ROBO2: variants seen among roughly 807,000 people sequenced by gnomAD.
ROBO2 encodes roundabout guidance receptor 2.
A neutral mutation model predicts 160.8 loss-of-function variants in ROBO2; 53 were observed. That is an observed-to-expected ratio of 0.33 (90% CI 0.26 to 0.41). The LOEUF (loss-of-function observed/expected upper bound fraction) is 0.41. Among genes scored for constraint, ROBO2 ranks in the 10% least tolerant of loss-of-function variants. The pLI is 1.00. For synonymous variants in ROBO2, 664 were observed against 611.7 expected (o/e 1.09, Z -1.26); for missense variants, 1,577 against 1,722.4 (o/e 0.92, Z 1.49).
intron 2 of ROBO2, among the ~76,000 whole-genome samples, chr3:77,435,715 G>C (rs1244738739): frequency 6.6e-6 from 1 of 151,736 alleles, no homozygotes; most frequent in Admixed American, 6.6e-5. Context: ...TTTGTCTACA[G>C]ATCAATGTGT....
At chr3:76,799,499 A>T (rs2064034855) in intron 2 of ROBO2, among the ~76,000 whole-genome samples, 1 of 136,398 alleles carries the variant, frequency 7.3e-6, no homozygotes, top group Admixed American at 7.7e-5. Flanking sequence ...AAAATATTAG[A>T]TCTGACAAAA....
At chr3:76,343,589 A>T (rs2074358787) in intron 2 of ROBO2, among the ~76,000 whole-genome samples, 1 of 151,748 alleles carries the variant, frequency 6.6e-6, no homozygotes, top group Non-Finnish European at 1.5e-5. Context: ...TAAAAACCGC[A>T]ATTACGTTTG....
At chr3:76,438,582 A>G (rs1438272887) in intron 2 of ROBO2, among the ~76,000 whole-genome samples, 1 of 152,112 alleles carries the variant, frequency 6.6e-6, no homozygotes, top group Non-Finnish European at 1.5e-5. Flanking sequence ...TTATTGGCGA[A>G]GAACAACTCA....
intron 2 of ROBO2, among the ~76,000 whole-genome samples, chr3:76,993,793 C>T (rs998226185): frequency 6.6e-6 from 1 of 151,982 alleles, no homozygotes; most frequent in Non-Finnish European, 1.5e-5. Context: ...GGATATTTAT[C>T]TCCAAATACC....
chr3:76,779,080 A>G (rs2062462825), intron 2 of ROBO2, among the ~76,000 whole-genome samples: 1 of 151,016 alleles, frequency 6.6e-6, no homozygotes, highest in Non-Finnish European at 1.5e-5. Flanking sequence ...GCTGAATCCT[A>G]AGAAAAGACA....
chr3:76,556,719 C>G (rs751589156), intron 2 of ROBO2, among the ~76,000 whole-genome samples: 28 of 152,116 alleles, frequency 1.8e-4, no homozygotes, highest in Admixed American at 4.6e-4. Context: ...GACTTTGGTA[C>G]TTGTAGAATA....
chr3:77,106,664 T>G (rs79399037), intron 2 of ROBO2, among the ~76,000 whole-genome samples: 7,700 of 152,282 alleles, frequency 0.051, 314 homozygotes, highest in East Asian at 0.18. Context: ...TAGATGTTTC[T>G]AACAGTCTAT....
intron 2 of ROBO2, among the ~76,000 whole-genome samples, chr3:77,376,427 T>C (rs1581464913): frequency 6.6e-6 from 1 of 151,930 alleles, no homozygotes; most frequent in African/African-American, 2.4e-5. Flanking sequence ...CAAAGTGCTG[T>C]GATTACAGAC....
chr3:77,043,435 G>A (rs78388821), intron 1 of ROBO2, among the ~76,000 whole-genome samples: 2,277 of 152,170 alleles, frequency 0.015, 59 homozygotes, highest in African/African-American at 0.051. Context: ...AAATGGTAGC[G>A]TTTTGCCACC....
chr3:77,512,898 A>G (rs979703565), intron 5 of ROBO2, among the ~76,000 whole-genome samples: 2 of 152,064 alleles, frequency 1.3e-5, no homozygotes, highest in East Asian at 3.9e-4. Flanking sequence ...GGCCAACTTA[A>G]CGATTAATAC....
chr3:76,406,049 A>G (rs1208827489), intron 2 of ROBO2, among the ~76,000 whole-genome samples: 3 of 151,784 alleles, frequency 2.0e-5, no homozygotes, highest in Non-Finnish European at 1.5e-5. Flanking sequence ...TTTTTAACAT[A>G]AAAATTACAT....
chr3:76,798,980 C>T (rs1374349552), intron 2 of ROBO2, among the ~76,000 whole-genome samples: 2 of 151,686 alleles, frequency 1.3e-5, no homozygotes, highest in Admixed American at 6.6e-5. Context: ...TTTGGGAGGC[C>T]GAGGCGGGTG....
intron 2 of ROBO2, among the ~76,000 whole-genome samples, chr3:76,810,476 C>G (rs1226998624): frequency 6.6e-6 from 1 of 151,922 alleles, no homozygotes; most frequent in East Asian, 1.9e-4. Flanking sequence ...GGTAGGTGCA[C>G]TTGAGGAAAA....
At chr3:76,997,354 T>C (rs1294557463) in intron 2 of ROBO2, among the ~76,000 whole-genome samples, 1 of 152,178 alleles carries the variant, frequency 6.6e-6, no homozygotes, top group South Asian at 2.1e-4. Context: ...TCTCCTATTA[T>C]TATATTTCTC....
At chr3:77,257,847 G>A (rs1580431655) in intron 2 of ROBO2, among the ~76,000 whole-genome samples, 1 of 152,140 alleles carries the variant, frequency 6.6e-6, no homozygotes, top group East Asian at 1.9e-4. Flanking sequence ...TACATACTGA[G>A]AAAAAATAAT....
intron 2 of ROBO2, among the ~76,000 whole-genome samples, chr3:77,206,480 A>G (rs1039417350): frequency 1.3e-5 from 2 of 152,032 alleles, no homozygotes; most frequent in African/African-American, 4.8e-5. Context: ...TCTTACTATA[A>G]GACTCCAGTC....
intron 2 of ROBO2, among the ~76,000 whole-genome samples, chr3:76,046,970 A>G (rs1214439535): frequency 6.6e-6 from 1 of 152,026 alleles, no homozygotes; most frequent in Non-Finnish European, 1.5e-5. Context: ...TTGCTTCCCT[A>G]TTTTTGTATT....
chr3:76,582,102 G>T (rs1190938044), intron 2 of ROBO2, among the ~76,000 whole-genome samples: 1 of 152,166 alleles, frequency 6.6e-6, no homozygotes, highest in Non-Finnish European at 1.5e-5. Context: ...CCATTGACCT[G>T]TCCTGAGAAC....
chr3:76,978,766 C>CCA (rs1271154990), intron 2 of ROBO2, among the ~76,000 whole-genome samples: 2 of 151,836 alleles, frequency 1.3e-5, no homozygotes, highest in African/African-American at 4.8e-5. Context: ...TGCTGCAGTT[C>CCA]CACACACACA....
Sources: gnomAD v4.1 joint callset for allele counts (sites outside exome capture counted in the v4.1 genomes callset) on GRCh38, gnomAD v4.1.1 for gene constraint, MANE v1.5 for transcripts, NCBI Gene and HGNC (gene_info 2026-07-23, HGNC 2026-07-21) for gene names.